Variants in NICN1 observed in about 807,000 individuals in gnomAD.
NICN1 encodes nicolin 1, tubulin polyglutamylase complex subunit, also known as nicolin-1.
A neutral mutation model predicts 26.3 loss-of-function variants in NICN1; 18 were observed. The ratio of observed to expected loss-of-function variants is 0.68; its 90% CI spans 0.47 to 1.01. The LOEUF (loss-of-function observed/expected upper bound fraction) is 1.01, where lower values mean the gene tolerates loss of function less well. Among genes scored for constraint, NICN1 ranks in the 50% least tolerant of loss-of-function variants. The probability of loss-of-function intolerance (pLI) is 0.00; values close to 1 mark genes in which losing one functional copy is unlikely to be tolerated. For missense variants in NICN1, 239 were observed against 278.3 expected (o/e 0.86, Z 1.00); for synonymous variants, 109 against 111.0 (o/e 0.98, Z 0.11).
At chr3:49,426,215 A>T (rs112399727) in intron 2 of NICN1, 37 bp downstream of exon 2, 1 of 1,605,462 alleles carries the variant, frequency 6.2e-7, no homozygotes, top group Non-Finnish European at 8.5e-7. Context: ...GTAAGTCCTC[A>T]TCTGGGCTGC....
Position 49,426,374 on chromosome 3 carries a change from G to A in NICN1, c.187C>T (p.Arg63Cys), listed in dbSNP as rs1469024205. The change falls in exon 2 of 6, where the codon CGT (arginine) becomes TGT (cysteine). Residue 63 changes from arginine to cysteine, a missense_variant. By Grantham distance (180) the Arg-to-Cys change is radical. Coordinates refer to ENST00000273598, the MANE Select transcript of NICN1 (RefSeq NM_032316.3). Reference sequence around the variant, plus strand: ...GGTGTGTGTGCTGAGGTGTACTGACGGACACGGATGCTCAAAAAAGCTGTG... The same window carrying A: ...GGTGTGTGTGCTGAGGTGTACTGACAGACACGGATGCTCAAAAAAGCTGTG... Reference protein sequence around the residue: ...YYTAFLSIRVRQYTSAHTPAK... With the variant: ...YYTAFLSIRVCQYTSAHTPAK... 8.1e-6 allele frequency: 13 copies of A among 1,613,976 alleles called. No individual in the cohort carries two copies. The highest frequency in any genetic ancestry group is 2.7e-5 in the African/African-American group (2 of 74,886).
rs998238104 is a variant in NICN1, at chr3:49,424,505, G to T, written c.*328C>A. 8.0e-6 allele frequency: 4 copies of T among 502,642 alleles called. No individual in the cohort carries two copies. The highest frequency in any genetic ancestry group is 3.3e-5 in the Admixed American group (1 of 30,092). 31.1% of individuals were successfully genotyped at this position (502,642 alleles called of 1,614,324 possible). A position where few individuals can be genotyped will look rare whatever the true frequency, so the allele number is the denominator to read the frequency against. ...CCCAGCCCAACTGCACTGACATGAG[G>T]GAGCAGGCAGAAGACAGGAATGTGC... On this transcript the variant is annotated 3_prime_UTR_variant, in exon 6 of 6. Transcript: ENST00000273598.
intron 1 of NICN1, among the ~76,000 whole-genome samples, chr3:49,426,971 C>G (rs924897529): frequency 6.6e-6 from 1 of 152,082 alleles, no homozygotes; most frequent in Non-Finnish European, 1.5e-5. Flanking sequence ...CTGGAAGAGG[C>G]AGAAAATGTA....
In NICN1 at chr3:49,422,580, G is replaced by A; in HGVS notation, c.*2253C>T. 2.0e-6 allele frequency: 2 copies of A among 987,406 alleles called. No individual in the cohort carries two copies. The highest frequency in any genetic ancestry group is 3.1e-6 in the Non-Finnish European group (2 of 636,680). The allele number at this position is 987,406 out of a possible 1,614,324, so 61.2% of individuals were successfully genotyped here. On this transcript the variant is annotated 3_prime_UTR_variant, in exon 6 of 6. Coordinates refer to ENST00000273598, the MANE Select transcript of NICN1 (RefSeq NM_032316.3). ...AAAGGATCTGAAGGGGGCGTGGGCA[G>A]CCCCAAGGGCAGGCTGGGATTTAGA... is the stretch of plus-strand genomic sequence containing the variant.
At position 49,422,432 on chromosome 3, in the gene NICN1, C is replaced by T. The variant is rs752853937; in HGVS notation, c.*2401G>A. On this transcript the variant is annotated 3_prime_UTR_variant, in exon 6 of 6. Coordinates refer to ENST00000273598, the MANE Select transcript of NICN1 (RefSeq NM_032316.3). ...AGGCGAAAGCCCAGACGGGCCACCA[C>T]ACTTACAGCCCTCTGCATCGTCGCC... 1.2e-6 allele frequency: 2 copies of T among 1,613,434 alleles called. No individual in the cohort carries two copies. The highest frequency in any genetic ancestry group is 1.7e-6 in the Non-Finnish European group (2 of 1,180,028).
At chr3:49,428,871 T>C (rs1271742549) in intron 1 of NICN1, among the ~76,000 whole-genome samples, 3 of 152,154 alleles carry the variant, frequency 2.0e-5, no homozygotes, top group Admixed American at 1.3e-4. Context: ...TCTCGCCACC[T>C]GCATGCCAGC....
chr3:49,425,110 G>T (rs572382171), intron 4 of NICN1, 57 bp from the exon 5 acceptor site: 3 of 1,458,590 alleles, frequency 2.1e-6, no homozygotes, highest in East Asian at 2.3e-5. Context: ...TGCCCTTCAG[G>T]CTCCAGAGAG....
rs2049151488 is a variant in NICN1 at position 49,424,315 on chromosome 3, A to G, written c.*518T>C. ...TTCCTTCCTAGGCAGGCAGCAGAAG[A>G]GTTCAGACAGGAAATTTCTCTCTGT... On this transcript the variant is annotated 3_prime_UTR_variant, in exon 6 of 6. Coordinates refer to ENST00000273598, the MANE Select transcript of NICN1 (RefSeq NM_032316.3). The G allele has an allele frequency of 6.0e-6, 1 of 167,956 alleles. No individual in the cohort carries two copies. Among genetic ancestry groups the G allele is most frequent in the African/African-American group, 2.4e-5 (1 of 41,646 alleles). 10.4% of individuals were successfully genotyped at this position (167,956 alleles called of 1,614,324 possible).
At chr3:49,426,519 CCCA>C (rs2049171490) in intron 1 of NICN1, 91 bp from the exon 2 acceptor site, 1 of 929,870 alleles carries the variant, frequency 1.1e-6, no homozygotes, top group Non-Finnish European at 1.6e-6. Context: ...CTTCCTTCTC[CCCA>C]CCTTTTCTTT....
intron 4 of NICN1, 96 bp downstream of exon 4, chr3:49,425,271 G>C: frequency 9.0e-7 from 1 of 1,114,234 alleles, no homozygotes; most frequent in South Asian, 1.3e-5. Context: ...AAGGGCCCTG[G>C]GCCCAGCCCC....
Position 49,424,957 on chromosome 3 carries a change from G to A in NICN1, c.592C>T (p.Arg198Cys), listed in dbSNP as rs767487013. ...RASHTSARIG[R>C]FDVDGCYDLN... ...AGGAAGCGATTACTTACATCAAAGC[G>A]GCCGATCCTTGCGGAGGTGTGACTG... is the stretch of plus-strand genomic sequence containing the variant. The change falls in exon 5 of 6, where the codon CGC becomes TGC. Residue 198 changes from arginine to cysteine, a missense_variant. Transcript: ENST00000273598. 17 of 1,613,868 alleles carry A rather than the reference G, an allele frequency of 1.1e-5. No homozygotes were observed. Among genetic ancestry groups the A allele is most frequent in the Admixed American group, 5.0e-5 (3 of 59,976 alleles).
In NICN1 at chr3:49,424,680, C is replaced by T; in HGVS notation, c.*153G>A. The T allele has an allele frequency of 1.4e-6, 1 of 699,396 alleles. No homozygotes were observed. The highest frequency in any genetic ancestry group is 2.6e-6 in the Non-Finnish European group (1 of 387,208). The allele number at this position is 699,396 out of a possible 1,614,324, so 43.3% of individuals were successfully genotyped here. On this transcript the variant is annotated 3_prime_UTR_variant, in exon 6 of 6. Coordinates refer to ENST00000273598, the MANE Select transcript of NICN1 (RefSeq NM_032316.3). The stretch of plus-strand genomic sequence containing the variant: ...GCTCATGCTGAAGTAACACGGTAAG[C>T]CCCTGAGAATCCTGAATCTGTGAAT...
At position 49,429,129 on chromosome 3, in the gene NICN1, G is replaced by A; in HGVS notation, c.111C>T (p.Phe37=). ...RPGVLVIDVT[F]PSVAPFELQE... Reference sequence around the variant, plus strand: ...TCACCTCGAAGGGAGCGACGCTGGGGAAGGTGACATCGATGACCAGCACGC... The same window carrying A: ...TCACCTCGAAGGGAGCGACGCTGGGAAAGGTGACATCGATGACCAGCACGC... Residue 37 remains phenylalanine, a synonymous_variant, in exon 1 of 6, where the codon TTC becomes TTT. Coordinates refer to ENST00000273598, the MANE Select transcript of NICN1 (RefSeq NM_032316.3). 1 of 1,609,494 alleles carries A rather than the reference G, an allele frequency of 6.2e-7. No homozygotes were observed. The highest frequency in any genetic ancestry group is 8.5e-7 in the Non-Finnish European group (1 of 1,178,010).
chr3:49,422,633 A>T lies in NICN1; in HGVS notation c.*2200T>A. 1 of 725,270 alleles carries T rather than the reference A, an allele frequency of 1.4e-6. No homozygotes were observed. Among genetic ancestry groups the T allele is most frequent in the Non-Finnish European group, 2.5e-6 (1 of 407,584 alleles). 44.9% of individuals were successfully genotyped at this position (725,270 alleles called of 1,614,324 possible). Reference sequence around the variant, plus strand: ...AGAGAATGCAGGAACCCGCAACCACAGGGAAGAAGCCTCCAGCTCTTTCGG... The same window carrying T: ...AGAGAATGCAGGAACCCGCAACCACTGGGAAGAAGCCTCCAGCTCTTTCGG... On this transcript the variant is annotated 3_prime_UTR_variant, in exon 6 of 6. Coordinates refer to ENST00000273598, the MANE Select transcript of NICN1 (RefSeq NM_032316.3).
At position 49,424,178 on chromosome 3, in the gene NICN1, G is replaced by A. The variant is rs2049149961; in HGVS notation, c.*655C>T. ...GAAGGGTCCCAGTTCTTATGCTCAGGCCCTGGTTTTGCTAGAGACACGTGC... is the reference window on the plus strand; with the variant it reads ...GAAGGGTCCCAGTTCTTATGCTCAGACCCTGGTTTTGCTAGAGACACGTGC... On this transcript the variant is annotated 3_prime_UTR_variant, in exon 6 of 6. Transcript: ENST00000273598. 6.5e-6 allele frequency: 1 copy of A among 154,318 alleles called. No individual in the cohort carries two copies. The highest frequency in any genetic ancestry group is 2.4e-5 in the African/African-American group (1 of 41,438). 9.6% of individuals were successfully genotyped at this position (154,318 alleles called of 1,614,324 possible). A position where few individuals can be genotyped will look rare whatever the true frequency, so the allele number is the denominator to read the frequency against.
chr3:49,426,135 G>C, intron 2 of NICN1, 117 bp downstream of exon 2: 1 of 1,197,346 alleles, frequency 8.4e-7, no homozygotes. Context: ...CACTTCCCTG[G>C]AAGTCACAGT....
chr3:49,424,485 C>T lies in NICN1; in HGVS notation c.*348G>A. The T allele has an allele frequency of 2.2e-6, 1 of 454,540 alleles. No individual in the cohort carries two copies. Among genetic ancestry groups the T allele is most frequent in the Non-Finnish European group, 4.0e-6 (1 of 248,908 alleles). 28.2% of individuals were successfully genotyped at this position (454,540 alleles called of 1,614,324 possible). A position where few individuals can be genotyped will look rare whatever the true frequency, so the allele number is the denominator to read the frequency against. Reference sequence around the variant, plus strand: ...AGCAGGTTTTAGTAGGTCAGCCCAGCCCAACTGCACTGACATGAGGGAGCA... The same window carrying T: ...AGCAGGTTTTAGTAGGTCAGCCCAGTCCAACTGCACTGACATGAGGGAGCA... On this transcript the variant is annotated 3_prime_UTR_variant, in exon 6 of 6. Coordinates refer to ENST00000273598, the MANE Select transcript of NICN1 (RefSeq NM_032316.3).
rs757890209 is a variant in NICN1 at position 49,426,373 on chromosome 3, C to T, written c.188G>A (p.Arg63His). 14 of 1,614,008 alleles carry T rather than the reference C, an allele frequency of 8.7e-6. No individual in the cohort carries two copies. The highest frequency in any genetic ancestry group is 6.6e-5 in the South Asian group (6 of 91,088). The part of the protein sequence containing the change: ...YYTAFLSIRV[R>H]QYTSAHTPAK... ...AGGTGTGTGTGCTGAGGTGTACTGA[C>T]GGACACGGATGCTCAAAAAAGCTGT... is the stretch of plus-strand genomic sequence containing the variant. Residue 63 changes from arginine to histidine, a missense_variant, in exon 2 of 6, where the codon CGT becomes CAT. Transcript: ENST00000273598.
At chr3:49,428,473 G>A (rs1028149490) in intron 1 of NICN1, among the ~76,000 whole-genome samples, 1 of 152,102 alleles carries the variant, frequency 6.6e-6, no homozygotes, top group Non-Finnish European at 1.5e-5. Context: ...TGTAATCCCA[G>A]CACTTTGGGA....
Sources: allele counts gnomAD v4.1 joint callset (sites outside exome capture counted in the v4.1 genomes callset), GRCh38; gene constraint gnomAD v4.1.1; transcripts MANE v1.5; gene names NCBI Gene and HGNC (gene_info 2026-07-23, HGNC 2026-07-21).